Variants in TSHZ2 observed in about 807,000 individuals in gnomAD.
The protein encoded by TSHZ2 is teashirt homolog 2.
Under a neutral mutation model 74.4 loss-of-function variants are expected in TSHZ2, and 21 were observed. That is an observed-to-expected ratio of 0.28 (90% CI 0.20 to 0.41). The LOEUF is 0.41. TSHZ2 is among the 10% of genes least tolerant of loss of function. The pLI is 1.00. For synonymous variants in TSHZ2, 540 were observed against 515.3 expected, an observed-to-expected ratio of 1.05 and a Z score of -0.65; for missense variants, 1,244 against 1,293.5, an observed-to-expected ratio of 0.96 and a Z score of 0.59.
chr20:53,462,088 GA>G (rs1299485020), intron 2 of TSHZ2, among the ~76,000 whole-genome samples: 2 of 150,916 alleles, frequency 1.3e-5, no homozygotes, highest in East Asian at 1.9e-4. Context: ...AAAAAAAAAA[GA>G]AAAAAAGAAA....
intron 2 of TSHZ2, among the ~76,000 whole-genome samples, chr20:53,448,988 A>T (rs932637389): frequency 2.6e-5 from 4 of 152,224 alleles, no homozygotes; most frequent in Non-Finnish European, 4.4e-5. Context: ...ACACAAAAAA[A>T]AGATGTATAT....
chr20:53,068,564 T>C (rs1352340743), intron 1 of TSHZ2, among the ~76,000 whole-genome samples: 3 of 152,202 alleles, frequency 2.0e-5, no homozygotes. Context: ...AGCTCTTCCA[T>C]GGCACTGACC....
At position 52,991,309 on chromosome 20, in the gene TSHZ2, G is replaced by C. The variant is rs559504823; in HGVS notation, c.40+17976G>C. 1.6e-4 allele frequency among the ~76,000 whole-genome samples: 20 copies of C among 124,056 alleles called. 1 individual carries two copies. Among genetic ancestry groups the C allele is most frequent in the African/African-American group, 5.8e-4 (18 of 31,202 alleles). 81.4% of individuals were successfully genotyped at this position (124,056 alleles called of 152,430 possible). On this transcript the variant is annotated intron_variant, in intron 1 of 2. Transcript: ENST00000371497. ...TTTTGTGTGGATTATGTATGTTGTG[G>C]GTATTAGTGTGTGTTGTGGGGGGAG...
At chr20:53,340,937 C>T (rs543646348) in intron 2 of TSHZ2, among the ~76,000 whole-genome samples, 174 of 152,274 alleles carry the variant, frequency 1.1e-3, no homozygotes, top group African/African-American at 3.9e-3. Context: ...AAAAATTGAG[C>T]GCAATTATTC....
At chr20:53,238,860 A>AAAG (rs1343666076) in intron 1 of TSHZ2, among the ~76,000 whole-genome samples, 1 of 151,078 alleles carries the variant, frequency 6.6e-6, no homozygotes, top group South Asian at 2.1e-4. Context: ...AAAAAAAAAA[A>AAAG]AGAGCTACGC....
At chr20:53,259,697 G>A (rs946973467) in intron 2 of TSHZ2, among the ~76,000 whole-genome samples, 1 of 152,186 alleles carries the variant, frequency 6.6e-6, no homozygotes, top group Non-Finnish European at 1.5e-5. Flanking sequence ...AAGCGCGTAA[G>A]GTTGCCAGAC....
intron 1 of TSHZ2, among the ~76,000 whole-genome samples, chr20:53,006,582 C>A (rs532866894): frequency 6.6e-6 from 1 of 152,318 alleles, no homozygotes; most frequent in African/African-American, 2.4e-5. Context: ...TGCAGGAATC[C>A]ATCATCTATG....
rs139891829 is a variant in TSHZ2 at position 53,013,977 on chromosome 20, G to A, written c.40+40644G>A. ...GAGTTTACTTTCAATTTCCTGCCTC[G>A]TGGGGATGATATGAAAGTGAAATGA... On this transcript the variant is annotated intron_variant, in intron 1 of 2. Transcript: ENST00000371497. Among the ~76,000 whole-genome samples the A allele has an allele frequency of 3.9e-3, 588 of 152,270 alleles. 6 individuals are homozygous for A. Among genetic ancestry groups the A allele is most frequent in the African/African-American group, 0.013 (557 of 41,566 alleles).
intron 1 of TSHZ2, among the ~76,000 whole-genome samples, chr20:53,171,563 A>G (rs1005030199): frequency 6.6e-6 from 1 of 151,684 alleles, no homozygotes; most frequent in Non-Finnish European, 1.5e-5. Context: ...TTTTTCCTAA[A>G]TTAAGTGTTA....
chr20:53,333,529 C>T lies in TSHZ2; in HGVS notation c.*8+76958C>T, dbSNP rs145437931. Among the ~76,000 whole-genome samples the T allele has an allele frequency of 4.0e-3, 602 of 151,994 alleles. 2 individuals are homozygous for T. The highest frequency in any genetic ancestry group is 0.014 in the African/African-American group (586 of 41,434). ...GGAGTGCAGTGGCACGATCTCAGCT[C>T]ACTGCAAGCTCCGCCTCCCGGGTTC... On this transcript the variant is annotated intron_variant, in intron 2 of 2. Coordinates refer to ENST00000371497, the MANE Select transcript of TSHZ2 (RefSeq NM_173485.6).
intron 1 of TSHZ2, among the ~76,000 whole-genome samples, chr20:53,009,934 A>G (rs182309633): frequency 1.9e-4 from 29 of 152,298 alleles, no homozygotes; most frequent in African/African-American, 7.0e-4. Flanking sequence ...TTTGTTTCTA[A>G]TATGGCTTCG....
Position 53,488,988 on chromosome 20 carries a change from A to T in TSHZ2, c.*1853A>T, listed in dbSNP as rs1301866911. Reference sequence around the variant, plus strand: ...GGAGGGAAAAAGTAAATGAAGTTCCAGGAATGTCATTCTGAAGTAATGAGG... The same window carrying T: ...GGAGGGAAAAAGTAAATGAAGTTCCTGGAATGTCATTCTGAAGTAATGAGG... On this transcript the variant is annotated 3_prime_UTR_variant, in exon 3 of 3. Coordinates refer to ENST00000371497, the MANE Select transcript of TSHZ2 (RefSeq NM_173485.6). 4 of 456,166 alleles carry T rather than the reference A, an allele frequency of 8.8e-6. No homozygotes were observed. The East Asian group carries it at 2.1e-4, about 24-fold the overall frequency. The allele number at this position is 456,166 out of a possible 1,614,324, so 28.3% of individuals were successfully genotyped here.
At chr20:53,153,499 C>G (rs571873143) in intron 1 of TSHZ2, among the ~76,000 whole-genome samples, 50 of 152,236 alleles carry the variant, frequency 3.3e-4, no homozygotes, top group African/African-American at 1.2e-3. Flanking sequence ...AAAGGAAATT[C>G]CTTGCAGGGT....
At chr20:53,486,834 A>G (rs961331384) in intron 2 of TSHZ2, among the ~76,000 whole-genome samples, 1 of 151,880 alleles carries the variant, frequency 6.6e-6, no homozygotes, top group African/African-American at 2.4e-5. Flanking sequence ...TTTTCAAACC[A>G]TTTCCTCCTT....
At chr20:53,004,987 G>A (rs1982585335) in intron 1 of TSHZ2, among the ~76,000 whole-genome samples, 1 of 152,054 alleles carries the variant, frequency 6.6e-6, no homozygotes. Context: ...CCTGAACTTT[G>A]AACCTCTTCC....
chr20:53,234,439 A>G (rs984285319), intron 1 of TSHZ2, among the ~76,000 whole-genome samples: 2 of 152,244 alleles, frequency 1.3e-5, no homozygotes, highest in Non-Finnish European at 2.9e-5. Flanking sequence ...AAAGCTTACA[A>G]ACTAACAAAG....
chr20:53,306,546 C>T (rs1329382522), intron 2 of TSHZ2, among the ~76,000 whole-genome samples: 1 of 152,058 alleles, frequency 6.6e-6, no homozygotes, highest in Non-Finnish European at 1.5e-5. Flanking sequence ...CAATGCTTAT[C>T]AGCTACACAA....
At chr20:53,293,062 C>G (rs1991310765) in intron 2 of TSHZ2, among the ~76,000 whole-genome samples, 1 of 152,188 alleles carries the variant, frequency 6.6e-6, no homozygotes, top group Non-Finnish European at 1.5e-5. Flanking sequence ...AAAACAAGAG[C>G]AAGAATTTGA....
intron 2 of TSHZ2, among the ~76,000 whole-genome samples, chr20:53,353,570 T>C (rs535494375): frequency 8.5e-5 from 13 of 152,324 alleles, no homozygotes; most frequent in African/African-American, 3.1e-4. Context: ...TATTTTTTCA[T>C]TGGCCTAGGG....
Sources: allele counts gnomAD v4.1 joint callset (sites outside exome capture counted in the v4.1 genomes callset), GRCh38; gene constraint gnomAD v4.1.1; transcripts MANE v1.5; gene names NCBI Gene and HGNC (gene_info 2026-07-23, HGNC 2026-07-21).